NXPH4: variants seen among roughly 807,000 people sequenced by gnomAD.
NXPH4 encodes neurexophilin-4.
Under a neutral mutation model 21.3 loss-of-function variants are expected in NXPH4, and 8 were observed. The observed-to-expected ratio is 0.38, with a 90% CI of 0.22 to 0.68. NXPH4 has a LOEUF of 0.68. Ranked by LOEUF, NXPH4 falls within the 30% of genes least tolerant of loss-of-function variation. The pLI is 0.53. For synonymous variants in NXPH4, 219 were observed against 192.6 expected, an observed-to-expected ratio of 1.14 and a Z score of -1.13; for missense variants, 418 against 416.8, an observed-to-expected ratio of 1.00 and a Z score of -0.03.
intron 1 of NXPH4, 40 bp downstream of exon 1, chr12:57,217,066 G>A (rs1180113581): frequency 1.3e-6 from 2 of 1,553,148 alleles, no homozygotes; most frequent in Admixed American, 3.7e-5. Context: ...CGGGCGCGGG[G>A]TTCCGGGACG....
intron 1 of NXPH4, among the ~76,000 whole-genome samples, chr12:57,222,468 A>G (rs532791987): frequency 1.8e-3 from 266 of 151,924 alleles, no homozygotes; most frequent in African/African-American, 6.2e-3. Flanking sequence ...TGCTGGGAGG[A>G]GATGGCTTGG....
intron 1 of NXPH4, among the ~76,000 whole-genome samples, chr12:57,217,358 T>C (rs2037050875): frequency 1.3e-5 from 2 of 152,186 alleles, no homozygotes; most frequent in Non-Finnish European, 1.5e-5. Context: ...GTGTCAGCCT[T>C]GCCGTCTTTC....
At chr12:57,219,718 G>C (rs1266182611) in intron 1 of NXPH4, among the ~76,000 whole-genome samples, 1 of 124,894 alleles carries the variant, frequency 8.0e-6, no homozygotes, top group Non-Finnish European at 1.7e-5. Flanking sequence ...GCCGCAGCTG[G>C]GCCAGGGGGA....
chr12:57,222,230 G>A (rs10783815), intron 1 of NXPH4, among the ~76,000 whole-genome samples: 85,508 of 151,932 alleles, frequency 0.56, 25,567 homozygotes, highest in South Asian at 0.75. Flanking sequence ...GGGTGGGGGC[G>A]GGACTGCCCA....
chr12:57,224,611 T>C (rs1187708379), intron 1 of NXPH4, among the ~76,000 whole-genome samples: 3 of 152,174 alleles, frequency 2.0e-5, no homozygotes, highest in East Asian at 1.9e-4. Context: ...TTGGCCCTCA[T>C]TGGAGCTCTG....
chr12:57,217,933 C>G (rs1202516165), intron 1 of NXPH4, among the ~76,000 whole-genome samples: 1 of 152,160 alleles, frequency 6.6e-6, no homozygotes, highest in Non-Finnish European at 1.5e-5. Context: ...GTGGTGTTGG[C>G]TTTGCATGAG....
Position 57,225,892 on chromosome 12 carries a change from T to C in NXPH4, c.*145T>C. On this transcript the variant is annotated 3_prime_UTR_variant, in exon 2 of 2. Coordinates refer to ENST00000349394, the MANE Select transcript of NXPH4 (RefSeq NM_007224.4). ...GGAGGGGAATGGCTTCTCGGGACCC[T>C]CAGCTAGCGTGGGTGCCCTTTTCCT... 1 of 1,446,770 alleles carries C rather than the reference T, an allele frequency of 6.9e-7. No individual in the cohort carries two copies. The highest frequency in any genetic ancestry group is 1.4e-5 in the South Asian group (1 of 69,504). 89.6% of individuals were successfully genotyped at this position (1,446,770 alleles called of 1,614,324 possible). A position where few individuals can be genotyped will look rare whatever the true frequency, so the allele number is the denominator to read the frequency against.
At position 57,225,436 on chromosome 12, in the gene NXPH4, GGCTCC is replaced by G; in HGVS notation, c.617_621del (p.Gly206AlafsTer31). ...AGCAGCGGCGGGGCCCGGGCTTGGG[GGCTCC>G]CTCGGGGGCGCACTGGCGGGGCCGC... On this transcript the variant is annotated frameshift_variant, in exon 2 of 2. Coordinates refer to ENST00000349394, the MANE Select transcript of NXPH4 (RefSeq NM_007224.4). LOFTEE classifies it high-confidence loss of function. 1.9e-6 allele frequency: 3 copies of G among 1,603,600 alleles called. No homozygotes were observed. The highest frequency in any genetic ancestry group is 2.5e-6 in the Non-Finnish European group (3 of 1,177,718).
intron 1 of NXPH4, chr12:57,221,267 G>T (rs1186974755): frequency 2.2e-6 from 1 of 446,396 alleles, no homozygotes; most frequent in African/African-American, 2.0e-5. Flanking sequence ...CCTCTTTCTA[G>T]GTGCAGGGGC....
At chr12:57,221,009 C>T (rs988311936) in intron 1 of NXPH4, among the ~76,000 whole-genome samples, 2 of 152,068 alleles carry the variant, frequency 1.3e-5, no homozygotes, top group African/African-American at 2.4e-5. Context: ...CCATCCACAT[C>T]TCTGTCTCTG....
intron 1 of NXPH4, among the ~76,000 whole-genome samples, chr12:57,222,044 G>A (rs2037096565): frequency 2.0e-5 from 3 of 152,176 alleles, no homozygotes; most frequent in Admixed American, 2.0e-4. Context: ...GGGAGAGAGA[G>A]CACGAGCAAT....
At chr12:57,220,410 G>GGGCGGGA (rs1323539213) in intron 1 of NXPH4, among the ~76,000 whole-genome samples, 2 of 152,190 alleles carry the variant, frequency 1.3e-5, no homozygotes, top group Non-Finnish European at 2.9e-5. Flanking sequence ...GGGGGGCGGG[G>GGGCGGGA]GGGCAGTCGT....
At position 57,225,537 on chromosome 12, in the gene NXPH4, G is replaced by T. The variant is rs1174966720; in HGVS notation, c.717G>T (p.Lys239Asn). 1 of 1,613,040 alleles carries T rather than the reference G, an allele frequency of 6.2e-7. No individual in the cohort carries two copies. Among genetic ancestry groups the T allele is most frequent in the South Asian group, 1.1e-5 (1 of 91,076 alleles). ...TCAATTGCCACGTGGAGTATGAGAAGACAAACCGCGCGCGCAAGCACCGAC... is the reference window on the plus strand; with the variant it reads ...TCAATTGCCACGTGGAGTATGAGAATACAAACCGCGCGCGCAAGCACCGAC... The part of the protein sequence containing the change: ...RAFNCHVEYE[K>N]TNRARKHRPC... The change falls in exon 2 of 2, where the codon AAG becomes AAT. Residue 239 changes from lysine (K) to asparagine (N), a missense_variant. Physicochemically the swap from Lys to Asn is moderately conservative, Grantham distance 94 (BLOSUM62 0). Coordinates refer to ENST00000349394, the MANE Select transcript of NXPH4 (RefSeq NM_007224.4).
rs1592675982 is a variant in NXPH4 at position 57,225,536 on chromosome 12, A to C, written c.716A>C (p.Lys239Thr). Residue 239 changes from lysine to threonine, a missense_variant, in exon 2 of 2, where the codon AAG (lysine) becomes ACG (threonine). By Grantham distance (78) the Lys-to-Thr change is moderately conservative. Coordinates refer to ENST00000349394, the MANE Select transcript of NXPH4 (RefSeq NM_007224.4). ...TTCAATTGCCACGTGGAGTATGAGA[A>C]GACAAACCGCGCGCGCAAGCACCGA... is the stretch of plus-strand genomic sequence containing the variant. ...RAFNCHVEYE[K>T]TNRARKHRPC... The C allele has an allele frequency of 1.2e-6, 2 of 1,612,980 alleles. No homozygotes were observed. Among genetic ancestry groups the C allele is most frequent in the South Asian group, 2.2e-5 (2 of 91,082 alleles).
chr12:57,220,395 G>C (rs1470967221), intron 1 of NXPH4, among the ~76,000 whole-genome samples: 1 of 152,260 alleles, frequency 6.6e-6, no homozygotes, highest in Non-Finnish European at 1.5e-5. Flanking sequence ...AGTGAGGCGC[G>C]GGGCGGGGGG....
At position 57,220,838 on chromosome 12, in the gene NXPH4, C is replaced by T. The variant is rs557011110; in HGVS notation, c.57+3812C>T. Among the ~76,000 whole-genome samples, 4 of 152,260 alleles carry T rather than the reference C, an allele frequency of 2.6e-5. No individual in the cohort carries two copies. In the South Asian group the frequency reaches 8.3e-4, roughly 32 times the overall value. ...ATCTCCTGGGTCTCTGCATCCATCA[C>T]TGTTTCTGCCCAGTAACCATCCCCA... On this transcript the variant is annotated intron_variant, in intron 1 of 1. Coordinates refer to ENST00000349394, the MANE Select transcript of NXPH4 (RefSeq NM_007224.4).
chr12:57,223,302 A>G (rs2037110107), intron 1 of NXPH4, among the ~76,000 whole-genome samples: 1 of 152,022 alleles, frequency 6.6e-6, no homozygotes, highest in South Asian at 2.1e-4. Flanking sequence ...CATATAGCCA[A>G]CCCAGACACG....
At position 57,216,848 on chromosome 12, in the gene NXPH4, GCTCCCGCC is replaced by G. The variant is rs2037042457; in HGVS notation, c.-121_-114del. 3 of 404,354 alleles carry G rather than the reference GCTCCCGCC, an allele frequency of 7.4e-6. No individual in the cohort carries two copies. The highest frequency in any genetic ancestry group is 7.4e-5 in the African/African-American group (3 of 40,544). 25.0% of individuals were successfully genotyped at this position (404,354 alleles called of 1,614,324 possible). ...CGCGGGCCGCGCCGCCGCTCCCGCC[GCTCCCGCC>G]GCTCCCGCCGCTCCCGCAGCCGCCC... On this transcript the variant is annotated 5_prime_UTR_variant, in exon 1 of 2. Transcript: ENST00000349394. This position sits in a 1 kb window ranked among gnomAD's most constrained non-coding sequence, Gnocchi z 5.3.
intron 1 of NXPH4, 37 bp downstream of exon 1, chr12:57,217,063 G>A: frequency 1.3e-6 from 2 of 1,563,068 alleles, no homozygotes; most frequent in East Asian, 2.4e-5. Context: ...GCGCGGGCGC[G>A]GGGTTCCGGG....
Sources: gnomAD v4.1 joint callset for allele counts (sites outside exome capture counted in the v4.1 genomes callset) on GRCh38, gnomAD v4.1.1 for gene constraint, Gnocchi (gnomAD v3.1) non-coding constraint, MANE v1.5 for transcripts, NCBI Gene and HGNC (gene_info 2026-07-23, HGNC 2026-07-21) for gene names.